The following CLEC7A variants were observed in gnomAD, a reference collection of about 807,000 sequenced individuals.
CLEC7A encodes C-type lectin domain containing 7A, also known as C-type lectin domain family 7 member A.
In CLEC7A, 25 loss-of-function variants were observed where a neutral mutation model predicts 26.9. That is an observed-to-expected ratio of 0.93 (90% CI 0.68 to 1.30). The LOEUF is 1.30. Ranked by LOEUF, CLEC7A falls within the 50% of genes most tolerant of loss-of-function variation. The pLI is 0.00. For missense variants in CLEC7A, 275 were observed against 286.7 expected (o/e 0.96, Z 0.29); for synonymous variants, 100 against 99.5 (o/e 1.01, Z -0.03).
At chr12:10,125,669 T>A (rs1948257694) in intron 3 of CLEC7A, among the ~76,000 whole-genome samples, 1 of 152,240 alleles carries the variant, frequency 6.6e-6, no homozygotes, top group Middle Eastern at 3.2e-3. Context: ...ATAAATAGTA[T>A]TTTAGGCAGC....
In CLEC7A at chr12:10,119,776, TAAC is replaced by T. The variant is rs547912659; in HGVS notation, c.612-1189_612-1187del. On this transcript the variant is annotated intron_variant, in intron 5 of 5. Transcript: ENST00000304084. ...CTACAAAGATTTTAAGATAAAATGTTAACAACACTATAAAAAGCAATCTGACAT... is the reference window on the plus strand; with the variant it reads ...CTACAAAGATTTTAAGATAAAATGTTAACACTATAAAAAGCAATCTGACAT... Among the ~76,000 whole-genome samples the T allele has an allele frequency of 3.9e-3, 586 of 151,638 alleles. 2 individuals are homozygous for T. The highest frequency in any genetic ancestry group is 0.018 in the South Asian group (85 of 4,790).
chr12:10,125,140 C>CA, intron 4 of CLEC7A, 157 bp downstream of exon 4: 1 of 746,628 alleles, frequency 1.3e-6, no homozygotes, highest in Non-Finnish European at 2.3e-6. Flanking sequence ...GTCGCGGCTT[C>CA]ACTGCACTCT....
intron 3 of CLEC7A, among the ~76,000 whole-genome samples, chr12:10,125,956 TG>T (rs1948267880): frequency 6.6e-6 from 1 of 152,178 alleles, no homozygotes; most frequent in Admixed American, 6.5e-5. Flanking sequence ...GGTCCAGAGA[TG>T]AAAAATTGAA....
chr12:10,127,252 G>C, intron 2 of CLEC7A: 4 of 1,381,000 alleles, frequency 2.9e-6, no homozygotes, highest in Non-Finnish European at 3.9e-6. Context: ...GGAAATTTCT[G>C]GTGTATTCAA....
chr12:10,123,483 C>T (rs931194986), intron 4 of CLEC7A, 120 bp from the exon 5 acceptor site: 61 of 709,690 alleles, frequency 8.6e-5, no homozygotes, highest in South Asian at 7.0e-4. Flanking sequence ...AATGCAAGGC[C>T]GGGCGCGGTG....
chr12:10,120,531 C>A (rs1203837014), intron 5 of CLEC7A, among the ~76,000 whole-genome samples: 1 of 150,242 alleles, frequency 6.7e-6, no homozygotes, highest in East Asian at 1.9e-4. Context: ...AATATGTGGG[C>A]AAATTGAAAT....
At chr12:10,122,504 T>TTTTTTGTTTTTTTG in intron 5 of CLEC7A, among the ~76,000 whole-genome samples, 1 of 146,672 alleles carries the variant, frequency 6.8e-6, no homozygotes, top group African/African-American at 2.7e-5. Flanking sequence ...TTTTTTTTTT[T>TTTTTTGTTTTTTTG]TGAGTTGGAG....
At chr12:10,127,241 A>G (rs1027132953) in intron 2 of CLEC7A, 1 of 1,348,044 alleles carries the variant, frequency 7.4e-7, no homozygotes, top group Non-Finnish European at 1.0e-6. Flanking sequence ...CAAGTGCCTC[A>G]GGAAATTTCT....
intron 4 of CLEC7A, chr12:10,125,022 C>T (rs569753625): frequency 7.6e-6 from 3 of 392,958 alleles, no homozygotes; most frequent in Non-Finnish European, 1.4e-5. Context: ...TATGGAGAAA[C>T]CTCGTCTCTA....
chr12:10,126,763 T>G (rs1948301233), intron 2 of CLEC7A, 55 bp from the exon 3 acceptor site: 3 of 1,466,056 alleles, frequency 2.0e-6, no homozygotes, highest in Non-Finnish European at 2.8e-6. Flanking sequence ...CTGCTGTGTT[T>G]GAAAATTAAA....
chr12:10,127,322 C>A, intron 2 of CLEC7A: 2 of 1,532,112 alleles, frequency 1.3e-6, no homozygotes, highest in Non-Finnish European at 1.8e-6. Context: ...ATAAAAATAG[C>A]TTAATGTCCA....
In CLEC7A at chr12:10,126,696, G is replaced by A; in HGVS notation, c.215C>T (p.Ser72Phe). 1 of 1,610,414 alleles carries A rather than the reference G, an allele frequency of 6.2e-7. No individual in the cohort carries two copies. Among genetic ancestry groups the A allele is most frequent in the Non-Finnish European group, 8.5e-7 (1 of 1,178,414 alleles). Reference protein sequence around the residue: ...VVLGTMAIWRSNSGSNTLENG... With the variant: ...VVLGTMAIWRFNSGSNTLENG... ...CTCCAATGTGTTGCTTCCTGAATTGGATCTCCAAATAGCTTCACATACCAA... is the reference window on the plus strand; with the variant it reads ...CTCCAATGTGTTGCTTCCTGAATTGAATCTCCAAATAGCTTCACATACCAA... The change falls in exon 3 of 6, where the codon TCC becomes TTC. Residue 72 changes from serine to phenylalanine, a missense_variant. Ser to Phe is a radical substitution (Grantham distance 155). Coordinates refer to ENST00000304084, the MANE Select transcript of CLEC7A (RefSeq NM_197947.3).
chr12:10,123,528 G>A (rs901256977), intron 4 of CLEC7A, among the ~76,000 whole-genome samples, 165 bp from the exon 5 acceptor site: 1 of 151,912 alleles, frequency 6.6e-6, no homozygotes, highest in Non-Finnish European at 1.5e-5. Flanking sequence ...TTGGGAGGCC[G>A]AGGCGGGTAG....
intron 4 of CLEC7A, among the ~76,000 whole-genome samples, chr12:10,123,625 G>T (rs1948173541): frequency 7.0e-6 from 1 of 143,730 alleles, no homozygotes; most frequent in Non-Finnish European, 1.5e-5. Context: ...GCCGGGCGCG[G>T]TGGCGGGCGC....
chr12:10,124,532 C>CTT (rs547520109), intron 4 of CLEC7A, among the ~76,000 whole-genome samples: 1 of 150,994 alleles, frequency 6.6e-6, no homozygotes, highest in Non-Finnish European at 1.5e-5. Context: ...TGCTGAGTTG[C>CTT]TTTTTTTTTA....
chr12:10,125,447 C>T lies in CLEC7A; in HGVS notation c.342G>A (p.Gly114=), dbSNP rs770219030. The change falls in exon 4 of 6, where the codon GGG becomes GGA. Residue 114 remains glycine (G), a splice_region_variant and synonymous_variant. Transcript: ENST00000304084. The part of the protein sequence containing the change: ...VTPTKAVKTT[G]VLSSPCPPNW... Reference sequence around the variant, plus strand: ...TAGGAGGACAAGGGCTGGAAAGAACCCCTGGAAATAAAAGATTAGTACCAT... The same window carrying T: ...TAGGAGGACAAGGGCTGGAAAGAACTCCTGGAAATAAAAGATTAGTACCAT... The T allele has an allele frequency of 1.9e-6, 3 of 1,609,492 alleles. No homozygotes were observed. The highest frequency in any genetic ancestry group is 2.5e-6 in the Non-Finnish European group (3 of 1,178,812).
At position 10,129,705 on chromosome 12, in the gene CLEC7A, C is replaced by T. The variant is rs113297550; in HGVS notation, c.103+275G>A. On this transcript the variant is annotated intron_variant, in intron 1 of 5. Transcript: ENST00000304084. ...TGATCTTGGCTCACTGCAACCTCCACCTCCCAGGTTCAAGTGATTCTCCTG... is the reference window on the plus strand; with the variant it reads ...TGATCTTGGCTCACTGCAACCTCCATCTCCCAGGTTCAAGTGATTCTCCTG... 6.7e-3 allele frequency among the ~76,000 whole-genome samples: 1,018 copies of T among 152,196 alleles called. 17 individuals are homozygous for T. Among genetic ancestry groups the T allele is most frequent in the African/African-American group, 0.022 (926 of 41,510 alleles).
In CLEC7A at chr12:10,123,299, G is replaced by A. The variant is rs758175995; in HGVS notation, c.557C>T (p.Pro186Leu). The A allele has an allele frequency of 1.9e-6, 3 of 1,613,644 alleles. No homozygotes were observed. In the East Asian group the frequency reaches 6.7e-5, roughly 36 times the overall value. Residue 186 changes from proline to leucine, a missense_variant, in exon 5 of 6, where the codon CCC becomes CTC. Coordinates refer to ENST00000304084, the MANE Select transcript of CLEC7A (RefSeq NM_197947.3). The stretch of plus-strand genomic sequence containing the variant: ...CCAGAGCCATGGTACCTCAGTCTGG[G>A]GCCGAGAAAGGCCTATCCAAAATGA... ...DNSFWIGLSR[P>L]QTEVPWLWED...
At chr12:10,122,769 G>A (rs1202992775) in intron 5 of CLEC7A, among the ~76,000 whole-genome samples, 1 of 152,130 alleles carries the variant, frequency 6.6e-6, no homozygotes, top group South Asian at 2.1e-4. Flanking sequence ...GGGATTACGG[G>A]TGTGAGCCAC....
Sources: allele counts gnomAD v4.1 joint callset (sites outside exome capture counted in the v4.1 genomes callset), GRCh38; gene constraint gnomAD v4.1.1; transcripts MANE v1.5; gene names NCBI Gene and HGNC (gene_info 2026-07-23, HGNC 2026-07-21).